The following RYR3 variants were observed in gnomAD, a reference collection of about 807,000 sequenced individuals.
RYR3 encodes the protein ryanodine receptor 3.
A neutral mutation model predicts 584.3 loss-of-function variants in RYR3; 207 were observed. The observed-to-expected ratio is 0.35, with a 90% CI of 0.32 to 0.40. RYR3 has a LOEUF of 0.40. RYR3 is among the 10% of genes least tolerant of loss of function. The probability of loss-of-function intolerance (pLI) is 1.00; values close to 1 mark genes in which losing one functional copy is unlikely to be tolerated. For synonymous variants in RYR3, 2,416 were observed against 2,248.5 expected (o/e 1.07, Z -2.11); for missense variants, 5,616 against 6,089.2 (o/e 0.92, Z 2.59).
Position 33,657,738 on chromosome 15 carries a change from C to T in RYR3, c.4309-1982C>T, listed in dbSNP as rs528636731. ...CTCCAACATTTTGGTTTTACTGGCA[C>T]TTATCTCTTCATATCGTCCATGGAA... On this transcript the variant is annotated intron_variant, in intron 32 of 103. Transcript: ENST00000634891. Among the ~76,000 whole-genome samples the T allele has an allele frequency of 1.3e-4, 20 of 152,338 alleles. 1 individual carries two copies. The South Asian group carries it at 4.1e-3, about 32-fold the overall frequency.
intron 3 of RYR3, among the ~76,000 whole-genome samples, 182 bp from the exon 4 acceptor site, chr15:33,530,410 A>T (rs1305818669): frequency 3.3e-5 from 5 of 152,174 alleles, no homozygotes; most frequent in Non-Finnish European, 7.3e-5. Flanking sequence ...AGGATGTTGC[A>T]TGGCTGTGGT....
At chr15:33,653,711 C>T (rs1351164176) in intron 32 of RYR3, among the ~76,000 whole-genome samples, 2 of 151,956 alleles carry the variant, frequency 1.3e-5, no homozygotes, top group Non-Finnish European at 2.9e-5. Context: ...TGTGTTTCCT[C>T]ATTTCCTGGA....
At chr15:33,563,976 C>CA (rs987371139) in intron 11 of RYR3, among the ~76,000 whole-genome samples, 19 of 151,864 alleles carry the variant, frequency 1.3e-4, no homozygotes, top group South Asian at 8.3e-4. Flanking sequence ...ACAGTACCTT[C>CA]AAAAAAAATG....
At chr15:33,731,787 G>A in intron 48 of RYR3, 93 bp downstream of exon 48, 1 of 869,090 alleles carries the variant, frequency 1.2e-6, no homozygotes, top group Non-Finnish European at 1.9e-6. Context: ...CTAGTCTAAG[G>A]AAGCTTCCAG....
At chr15:33,494,165 A>G (rs1468869713) in intron 2 of RYR3, among the ~76,000 whole-genome samples, 1 of 151,946 alleles carries the variant, frequency 6.6e-6, no homozygotes, top group African/African-American at 2.4e-5. Flanking sequence ...TTGTCAAAGG[A>G]TATTTGTCCT....
intron 2 of RYR3, among the ~76,000 whole-genome samples, chr15:33,488,023 T>G (rs1567349608): frequency 6.6e-6 from 1 of 152,212 alleles, no homozygotes; most frequent in Non-Finnish European, 1.5e-5. Flanking sequence ...GTATTTGTCA[T>G]TTGTTGAACC....
intron 36 of RYR3, among the ~76,000 whole-genome samples, chr15:33,668,516 A>G (rs968007343): frequency 6.6e-6 from 1 of 152,224 alleles, no homozygotes; most frequent in Non-Finnish European, 1.5e-5. Flanking sequence ...TTTATGAAAT[A>G]CAAAATAAAA....
intron 1 of RYR3, among the ~76,000 whole-genome samples, chr15:33,339,755 G>A (rs150381614): frequency 6.6e-6 from 1 of 151,114 alleles, no homozygotes; most frequent in African/African-American, 2.4e-5. Context: ...CGGGTGTAGT[G>A]GTGGGCGCCT....
chr15:33,615,536 A>C (rs1567669777), intron 19 of RYR3, among the ~76,000 whole-genome samples: 1 of 152,186 alleles, frequency 6.6e-6, no homozygotes, highest in Non-Finnish European at 1.5e-5. Context: ...TAATATATTG[A>C]AGTTATATAT....
intron 1 of RYR3, among the ~76,000 whole-genome samples, chr15:33,319,723 A>G (rs747783656): frequency 7.2e-5 from 11 of 152,244 alleles, no homozygotes; most frequent in Non-Finnish European, 1.6e-4. Flanking sequence ...TAATGATTAC[A>G]TCTCAGAGAT....
chr15:33,511,644 G>A (rs545527031), intron 3 of RYR3, among the ~76,000 whole-genome samples: 17 of 151,304 alleles, frequency 1.1e-4, no homozygotes, highest in Admixed American at 5.9e-4. Context: ...ACCCTTCAGT[G>A]TTGTGAAATT....
Position 33,818,922 on chromosome 15 carries a change from G to A in RYR3, c.10706+238G>A, listed in dbSNP as rs151294563. On this transcript the variant is annotated intron_variant, in intron 76 of 103. Coordinates refer to ENST00000634891, the MANE Select transcript of RYR3 (RefSeq NM_001036.6). Reference sequence around the variant, plus strand: ...GCGGACCATCTGAGGGCAGGAGTTCGAGGCCAGCCTGACCGACATGGTGAA... The same window carrying A: ...GCGGACCATCTGAGGGCAGGAGTTCAAGGCCAGCCTGACCGACATGGTGAA... Among the ~76,000 whole-genome samples, 17 of 152,286 alleles carry A rather than the reference G, an allele frequency of 1.1e-4. No individual in the cohort carries two copies. The East Asian group carries it at 3.1e-3, about 28-fold the overall frequency.
chr15:33,579,025 G>A (rs1595687977), intron 12 of RYR3, among the ~76,000 whole-genome samples: 1 of 152,116 alleles, frequency 6.6e-6, no homozygotes, highest in Non-Finnish European at 1.5e-5. Flanking sequence ...AATTGGCAGA[G>A]ATTAAAACAG....
At chr15:33,613,686 T>C (rs544074147) in intron 19 of RYR3, among the ~76,000 whole-genome samples, 1 of 152,256 alleles carries the variant, frequency 6.6e-6, no homozygotes, top group African/African-American at 2.4e-5. Context: ...ACAATAGTTA[T>C]GAACAACACA....
chr15:33,533,328 T>G lies in RYR3; in HGVS notation c.372T>G (p.Thr124=). ...TTTCACAGTATCTAACATGCTTGAC[T>G]ACATCAAGATCCCAGACAGACAAAC... ...SFSGMYLTCL[T]TSRSQTDKLA... The change falls in exon 5 of 104, where the codon ACT becomes ACG. Residue 124 remains threonine (T), a synonymous_variant. Transcript: ENST00000634891. 6.2e-7 allele frequency: 1 copy of G among 1,606,114 alleles called. No individual in the cohort carries two copies.
At chr15:33,465,880 C>T (rs2048447822) in intron 1 of RYR3, 3 of 478,610 alleles carry the variant, frequency 6.3e-6, no homozygotes, top group South Asian at 3.1e-5. Context: ...TTTCTCTCTT[C>T]CTCCCTTCCT....
intron 49 of RYR3, 58 bp downstream of exon 49, chr15:33,736,383 A>G (rs1248196178): frequency 1.7e-6 from 2 of 1,156,612 alleles, no homozygotes; most frequent in Non-Finnish European, 2.5e-6. Context: ...TTGCCTTGTA[A>G]TATGTGATGT....
In RYR3 at chr15:33,662,399, G is replaced by A. The variant is rs770900347; in HGVS notation, c.4869G>A (p.Leu1623=). 1.2e-6 allele frequency: 2 copies of A among 1,613,666 alleles called. No homozygotes were observed. Among genetic ancestry groups the A allele is most frequent in the Non-Finnish European group, 1.7e-6 (2 of 1,179,796 alleles). ...IHLASAKERK[L]MMKNEYIIPI... ...TGGCCAGCGCCAAGGAGAGGAAGCTGATGATGAAGAACGAGTACATCATCC... is the reference window on the plus strand; with the variant it reads ...TGGCCAGCGCCAAGGAGAGGAAGCTAATGATGAAGAACGAGTACATCATCC... Residue 1623 remains leucine (L), a synonymous_variant, in exon 35 of 104, where the codon CTG becomes CTA. Coordinates refer to ENST00000634891, the MANE Select transcript of RYR3 (RefSeq NM_001036.6).
intron 48 of RYR3, among the ~76,000 whole-genome samples, chr15:33,732,626 G>A (rs968854579): frequency 6.6e-6 from 1 of 152,176 alleles, no homozygotes; most frequent in African/African-American, 2.4e-5. Flanking sequence ...TAGCAGCACA[G>A]GCCAAGACTA....
Sources: gnomAD v4.1 joint callset for allele counts (sites outside exome capture counted in the v4.1 genomes callset) on GRCh38, gnomAD v4.1.1 for gene constraint, MANE v1.5 for transcripts, NCBI Gene and HGNC (gene_info 2026-07-23, HGNC 2026-07-21) for gene names.